CAMKMT: variants seen among roughly 807,000 people sequenced by gnomAD.
The protein encoded by CAMKMT is CaM KMT.
In CAMKMT, 53 loss-of-function variants were observed where a neutral mutation model predicts 48.0. That is an observed-to-expected ratio of 1.10 (90% CI 0.89 to 1.39). The LOEUF (loss-of-function observed/expected upper bound fraction) is 1.39. Among genes scored for constraint, CAMKMT ranks in the 40% most tolerant of loss-of-function variants. The probability of loss-of-function intolerance (pLI) is 0.00; values close to 1 mark genes in which losing one functional copy is unlikely to be tolerated. For missense variants in CAMKMT, 428 were observed against 402.7 expected (o/e 1.06, Z -0.54); for synonymous variants, 165 against 152.3 (o/e 1.08, Z -0.61).
At chr2:44,608,453 G>A (rs1270167601) in intron 3 of CAMKMT, among the ~76,000 whole-genome samples, 1 of 151,874 alleles carries the variant, frequency 6.6e-6, no homozygotes, top group Non-Finnish European at 1.5e-5. Context: ...GGCACCTATT[G>A]ACATTTCAAT....
At chr2:44,450,254 C>A (rs72806839) in intron 3 of CAMKMT, among the ~76,000 whole-genome samples, 323 of 152,226 alleles carry the variant, frequency 2.1e-3, no homozygotes, top group Non-Finnish European at 2.9e-3. Context: ...TACCAATGAG[C>A]AGTTTAGAGG....
At chr2:44,395,070 G>C in intron 3 of CAMKMT, 2 of 424,530 alleles carry the variant, frequency 4.7e-6, no homozygotes, top group Non-Finnish European at 9.4e-6. Flanking sequence ...CTTTTTACTT[G>C]TATTTAGGAA....
intron 3 of CAMKMT, among the ~76,000 whole-genome samples, chr2:44,587,785 T>C (rs1669956028): frequency 1.4e-5 from 2 of 139,076 alleles, no homozygotes; most frequent in South Asian, 2.5e-4. Context: ...CAGTGCTCAA[T>C]GGTGCCCAGG....
intron 3 of CAMKMT, among the ~76,000 whole-genome samples, chr2:44,525,975 A>G (rs1046294570): frequency 6.6e-6 from 1 of 152,164 alleles, no homozygotes; most frequent in African/African-American, 2.4e-5. Flanking sequence ...GTCATTTAGC[A>G]TTAGGTATAT....
intron 3 of CAMKMT, among the ~76,000 whole-genome samples, chr2:44,598,063 A>C (rs773417573): frequency 9.2e-5 from 14 of 152,036 alleles, no homozygotes; most frequent in Non-Finnish European, 1.8e-4. Context: ...CCATAAAATA[A>C]TAAGATCTAG....
intron 8 of CAMKMT, among the ~76,000 whole-genome samples, chr2:44,753,398 T>A (rs1680235659): frequency 7.4e-6 from 1 of 135,710 alleles, no homozygotes. Flanking sequence ...AAATCCTGTC[T>A]CAGAAACAAA....
At chr2:44,560,767 G>T (rs1434336479) in intron 3 of CAMKMT, among the ~76,000 whole-genome samples, 2 of 152,164 alleles carry the variant, frequency 1.3e-5, no homozygotes, top group Admixed American at 1.3e-4. Flanking sequence ...TTCCCTGGCA[G>T]CTCCCCCATT....
chr2:44,600,836 G>C (rs1220319204), intron 3 of CAMKMT, among the ~76,000 whole-genome samples: 1 of 152,042 alleles, frequency 6.6e-6, no homozygotes, highest in Non-Finnish European at 1.5e-5. Flanking sequence ...TTTTCTATCA[G>C]ATGGAGATTA....
chr2:44,557,044 A>G (rs1191175868), intron 3 of CAMKMT, among the ~76,000 whole-genome samples: 1 of 152,156 alleles, frequency 6.6e-6, no homozygotes, highest in African/African-American at 2.4e-5. Flanking sequence ...ACTTTCACCT[A>G]TGTGGTTTGC....
At chr2:44,624,295 T>G (rs559191621) in intron 3 of CAMKMT, among the ~76,000 whole-genome samples, 4 of 151,924 alleles carry the variant, frequency 2.6e-5, no homozygotes, top group African/African-American at 2.4e-5. Context: ...AATGGCTGGG[T>G]TTTTTTTCTT....
intron 3 of CAMKMT, among the ~76,000 whole-genome samples, chr2:44,587,278 C>A (rs1669909440): frequency 6.6e-6 from 1 of 152,102 alleles, no homozygotes; most frequent in African/African-American, 2.4e-5. Context: ...ATGGACATGG[C>A]AGATTTTGCT....
chr2:44,439,327 T>C (rs1040995592), intron 3 of CAMKMT, among the ~76,000 whole-genome samples: 3 of 152,164 alleles, frequency 2.0e-5, no homozygotes, highest in Admixed American at 6.6e-5. Flanking sequence ...ACATCCTTAA[T>C]TCCTCCTTCT....
intron 3 of CAMKMT, among the ~76,000 whole-genome samples, chr2:44,401,930 T>G (rs1280786239): frequency 6.6e-6 from 1 of 152,180 alleles, no homozygotes; most frequent in African/African-American, 2.4e-5. Flanking sequence ...GGCTTCCTTT[T>G]TGTTTGGTCT....
chr2:44,681,383 G>A (rs1046451169), intron 3 of CAMKMT, among the ~76,000 whole-genome samples: 7 of 152,180 alleles, frequency 4.6e-5, no homozygotes, highest in Non-Finnish European at 8.8e-5. Context: ...ATAGCTGATA[G>A]GAAGGGGGAA....
intron 3 of CAMKMT, among the ~76,000 whole-genome samples, chr2:44,552,819 A>G: frequency 6.6e-6 from 1 of 151,914 alleles, no homozygotes; most frequent in Non-Finnish European, 1.5e-5. Flanking sequence ...TGGGCTATTT[A>G]CTTTATTTAT....
At chr2:44,372,941 G>C in intron 2 of CAMKMT, 53 bp downstream of exon 2, 1 of 1,436,942 alleles carries the variant, frequency 7.0e-7, no homozygotes. Context: ...TCTTGGATAA[G>C]AAAAACAATC....
intron 3 of CAMKMT, among the ~76,000 whole-genome samples, chr2:44,586,097 A>G (rs1383021544): frequency 1.3e-5 from 2 of 152,318 alleles, no homozygotes; most frequent in East Asian, 3.9e-4. Context: ...AGAGGTATGT[A>G]CAGAGGTACG....
chr2:44,631,780 T>C (rs1026705539), intron 3 of CAMKMT: 1 of 356,648 alleles, frequency 2.8e-6, no homozygotes, highest in African/African-American at 2.1e-5. Context: ...ATTATTCTTT[T>C]TACCTCTTTC....
At chr2:44,700,277 A>G (rs1035583627) in intron 3 of CAMKMT, among the ~76,000 whole-genome samples, 4 of 152,204 alleles carry the variant, frequency 2.6e-5, no homozygotes, top group Non-Finnish European at 1.5e-5. Context: ...AACTTTCTCC[A>G]TATCAGCAAT....
Sources: allele counts gnomAD v4.1 joint callset (sites outside exome capture counted in the v4.1 genomes callset), GRCh38; gene constraint gnomAD v4.1.1; transcripts MANE v1.5; gene names NCBI Gene and HGNC (gene_info 2026-07-23, HGNC 2026-07-21).